The following NBEA variants were observed in gnomAD, a reference collection of about 807,000 sequenced individuals.
The protein encoded by NBEA is neurobeachin, also known as lysosomal-trafficking regulator 2.
NBEA carries 44 observed loss-of-function variants against 343.4 expected under a neutral mutation model. The observed-to-expected ratio is 0.13, with a 90% confidence interval of 0.10 to 0.16. The LOEUF is 0.16. Ranked by LOEUF, NBEA falls within the 10% of genes least tolerant of loss-of-function variation. The probability of loss-of-function intolerance (pLI) is 1.00; values close to 1 mark genes in which losing one functional copy is unlikely to be tolerated. For synonymous variants in NBEA, 1,175 were observed against 1,238.7 expected (o/e 0.95, Z 1.08); for missense variants, 2,555 against 3,631.3 (o/e 0.70, Z 7.62).
At chr13:35,260,014 A>G (rs2033061743) in intron 34 of NBEA, among the ~76,000 whole-genome samples, 1 of 152,228 alleles carries the variant, frequency 6.6e-6, no homozygotes, top group Non-Finnish European at 1.5e-5. Context: ...TCACATAGAA[A>G]TTATAATCCA....
intron 33 of NBEA, 23 bp from the exon 34 acceptor site, chr13:35,232,469 T>C (rs1309378287): frequency 6.8e-7 from 1 of 1,475,150 alleles, no homozygotes; most frequent in Admixed American, 2.2e-5. Context: ...TATTTATTAG[T>C]TTTTATGTCT....
At position 35,012,519 on chromosome 13, in the gene NBEA, G is replaced by A. The variant is rs566701309; in HGVS notation, c.295-28414G>A. 1.3e-3 allele frequency among the ~76,000 whole-genome samples: 195 copies of A among 152,206 alleles called. 1 individual carries two copies. The highest frequency in any genetic ancestry group is 2.3e-3 in the Non-Finnish European group (158 of 68,028). On this transcript the variant is annotated intron_variant, in intron 1 of 58. Coordinates refer to ENST00000379939, the MANE Select transcript of NBEA (RefSeq NM_001385012.1). The stretch of plus-strand genomic sequence containing the variant: ...TGAGTCACTTTTGAGTACTTTACAT[G>A]TGGTAGAGTCTTTAGTCCTGCAGCT...
intron 11 of NBEA, among the ~76,000 whole-genome samples, chr13:35,105,640 G>C (rs1052870450): frequency 6.6e-6 from 1 of 151,924 alleles, no homozygotes; most frequent in East Asian, 1.9e-4. Context: ...TTGTTGCTAT[G>C]AGAATGCTAA....
chr13:35,276,905 T>C (rs1349520099), intron 34 of NBEA, among the ~76,000 whole-genome samples: 1 of 152,176 alleles, frequency 6.6e-6, no homozygotes. Flanking sequence ...TAAAATAGAT[T>C]ATACATTTGT....
chr13:35,242,822 T>C (rs1387430831), intron 34 of NBEA, among the ~76,000 whole-genome samples: 1 of 151,746 alleles, frequency 6.6e-6, no homozygotes, highest in African/African-American at 2.4e-5. Context: ...CCTTTAAAAA[T>C]GGAGGAGAAA....
At chr13:34,984,631 G>C (rs1593363756) in intron 1 of NBEA, among the ~76,000 whole-genome samples, 1 of 150,926 alleles carries the variant, frequency 6.6e-6, no homozygotes, top group African/African-American at 2.4e-5. Context: ...AAATTATCTT[G>C]GGCAGTATGG....
rs547959828 is a variant in NBEA, at chr13:35,665,854, C to T, written c.8464+668C>T. On this transcript the variant is annotated intron_variant, in intron 56 of 58. Transcript: ENST00000379939. Reference sequence around the variant, plus strand: ...TGTTGGCCAGGCTGGTCTTTAACTCCTGACCTCAGGTGATCCACCCACCTC... The same window carrying T: ...TGTTGGCCAGGCTGGTCTTTAACTCTTGACCTCAGGTGATCCACCCACCTC... Among the ~76,000 whole-genome samples the T allele has an allele frequency of 7.2e-5, 11 of 152,292 alleles. No homozygotes were observed. In the South Asian group the frequency reaches 2.3e-3, roughly 32 times the overall value.
chr13:35,491,394 GTCT>G (rs1450781420), intron 41 of NBEA, among the ~76,000 whole-genome samples: 3 of 151,834 alleles, frequency 2.0e-5, no homozygotes, highest in African/African-American at 7.3e-5. Flanking sequence ...ATGTTCAGTG[GTCT>G]TCTCCACATC....
chr13:35,071,282 A>G (rs1233617546), intron 10 of NBEA, among the ~76,000 whole-genome samples: 1 of 152,034 alleles, frequency 6.6e-6, no homozygotes, highest in Admixed American at 6.6e-5. Flanking sequence ...GAATGGTATT[A>G]TTTTATAATG....
At chr13:35,243,373 A>G (rs1355707942) in intron 34 of NBEA, among the ~76,000 whole-genome samples, 8 of 151,898 alleles carry the variant, frequency 5.3e-5, no homozygotes, top group Non-Finnish European at 1.2e-4. Flanking sequence ...AAATACAATG[A>G]CATACAGAAA....
chr13:35,125,508 A>G (rs2067076022), intron 17 of NBEA, among the ~76,000 whole-genome samples: 2 of 152,222 alleles, frequency 1.3e-5, no homozygotes, highest in South Asian at 4.1e-4. Flanking sequence ...AGAATTACAC[A>G]GATGAGCTGT....
At chr13:35,037,954 A>G (rs916096099) in intron 1 of NBEA, among the ~76,000 whole-genome samples, 4 of 152,146 alleles carry the variant, frequency 2.6e-5, no homozygotes, top group African/African-American at 4.8e-5. Flanking sequence ...CCTGGCCACT[A>G]GTGGGTCCAG....
intron 31 of NBEA, among the ~76,000 whole-genome samples, chr13:35,201,719 A>G (rs966170017): frequency 6.6e-6 from 1 of 152,100 alleles, no homozygotes; most frequent in Non-Finnish European, 1.5e-5. Context: ...AAATTTCCAA[A>G]ATCCTATTTA....
chr13:35,338,866 C>T (rs1039844988), intron 36 of NBEA, among the ~76,000 whole-genome samples: 3 of 151,982 alleles, frequency 2.0e-5, no homozygotes, highest in African/African-American at 7.2e-5. Flanking sequence ...CAACGTAATA[C>T]ACCATATTGC....
At chr13:35,473,038 A>G (rs1007931536) in intron 41 of NBEA, among the ~76,000 whole-genome samples, 6 of 152,208 alleles carry the variant, frequency 3.9e-5, no homozygotes, top group African/African-American at 1.4e-4. Context: ...TGTGGATTTA[A>G]GAGAAAAGCA....
intron 41 of NBEA, among the ~76,000 whole-genome samples, chr13:35,504,790 T>A (rs2077013033): frequency 6.6e-6 from 1 of 152,018 alleles, no homozygotes; most frequent in Admixed American, 6.6e-5. Context: ...TATTTTTTTG[T>A]AGAGACAGAG....
intron 36 of NBEA, among the ~76,000 whole-genome samples, chr13:35,332,855 T>C (rs2039009097): frequency 6.6e-6 from 1 of 152,140 alleles, no homozygotes; most frequent in African/African-American, 2.4e-5. Context: ...AGTACACTCA[T>C]TGAGGCATCA....
intron 17 of NBEA, among the ~76,000 whole-genome samples, chr13:35,123,933 C>G (rs2066932354): frequency 6.6e-6 from 1 of 152,006 alleles, no homozygotes; most frequent in Non-Finnish European, 1.5e-5. Flanking sequence ...TGAGGTCTTT[C>G]TCAGAGTTGA....
At chr13:35,107,199 C>CTATA (rs897540725) in intron 11 of NBEA, among the ~76,000 whole-genome samples, 3 of 151,774 alleles carry the variant, frequency 2.0e-5, no homozygotes, top group African/African-American at 7.3e-5. Flanking sequence ...TTTTAAAGTA[C>CTATA]TATATTATTT....
Sources: gnomAD v4.1 joint callset for allele counts (sites outside exome capture counted in the v4.1 genomes callset) on GRCh38, gnomAD v4.1.1 for gene constraint, MANE v1.5 for transcripts, NCBI Gene and HGNC (gene_info 2026-07-23, HGNC 2026-07-21) for gene names.